ESRRG: variants seen among roughly 807,000 people sequenced by gnomAD.
The protein encoded by ESRRG is estrogen related receptor gamma.
ESRRG carries 13 observed loss-of-function variants against 44.0 expected under a neutral mutation model. That is an observed-to-expected ratio of 0.30 (90% CI 0.19 to 0.47). The LOEUF (loss-of-function observed/expected upper bound fraction) is 0.47, where lower values mean the gene tolerates loss of function less well. Among genes scored for constraint, ESRRG ranks in the 20% least tolerant of loss-of-function variants. The pLI is 1.00. For synonymous variants in ESRRG, 215 were observed against 214.6 expected, an observed-to-expected ratio of 1.00 and a Z score of -0.02; for missense variants, 395 against 580.6, an observed-to-expected ratio of 0.68 and a Z score of 3.29.
At chr1:216,863,419 T>G (rs2096087599) in intron 2 of ESRRG, 1 of 152,202 alleles carries the variant, frequency 6.6e-6, no homozygotes. Flanking sequence ...TTCAAAATTT[T>G]TCTATGTTCC....
chr1:216,537,300 GA>G (rs2051268239), intron 5 of ESRRG, among the ~76,000 whole-genome samples: 2 of 151,968 alleles, frequency 1.3e-5, no homozygotes, highest in Admixed American at 6.6e-5. Context: ...ACCCTCACCA[GA>G]CACTGAATGT....
chr1:216,512,738 C>G (rs1033922939), intron 6 of ESRRG, among the ~76,000 whole-genome samples: 1 of 151,932 alleles, frequency 6.6e-6, no homozygotes, highest in African/African-American at 2.4e-5. Context: ...TATCTAGTAT[C>G]TGTGAATGTT....
intron 3 of ESRRG, among the ~76,000 whole-genome samples, chr1:216,610,300 G>A (rs1316251196): frequency 1.3e-5 from 2 of 151,342 alleles, no homozygotes; most frequent in Admixed American, 6.6e-5. Flanking sequence ...GGATAACGCT[G>A]AGCTGAGAAA....
At chr1:216,527,249 T>C (rs948403239) in intron 5 of ESRRG, among the ~76,000 whole-genome samples, 1 of 152,158 alleles carries the variant, frequency 6.6e-6, no homozygotes, top group African/African-American at 2.4e-5. Context: ...TCCATCACTT[T>C]CTCTCCTCCC....
intron 2 of ESRRG, among the ~76,000 whole-genome samples, chr1:216,797,595 A>G (rs2094507012): frequency 6.6e-6 from 1 of 152,080 alleles, no homozygotes. Flanking sequence ...GTTTTTGATG[A>G]CCTTGATAGT....
chr1:216,948,612 C>A (rs536830531), intron 1 of ESRRG, among the ~76,000 whole-genome samples: 1 of 151,852 alleles, frequency 6.6e-6, no homozygotes, highest in Non-Finnish European at 1.5e-5. Context: ...TACCCCCTCT[C>A]CCCCCATAAA....
At position 216,630,449 on chromosome 1, in the gene ESRRG, C is replaced by CACACAT. The variant is rs1255152070; in HGVS notation, c.589+20523_589+20524insATGTGT. On this transcript the variant is annotated intron_variant, in intron 3 of 6. Transcript: ENST00000408911. Reference sequence around the variant, plus strand: ...GTGCATGCACATGTGCGTGTGAACACACACACACACACACACACACACACA... The same window carrying CACACAT: ...GTGCATGCACATGTGCGTGTGAACACACACATACACACACACACACACACACACACA... Among the ~76,000 whole-genome samples, 397 of 85,240 alleles carry CACACAT rather than the reference C, an allele frequency of 4.7e-3. 2 individuals carry two copies. Among genetic ancestry groups the CACACAT allele is most frequent in the African/African-American group, 0.015 (372 of 24,610 alleles). The allele number at this position is 85,240 out of a possible 152,430, so 55.9% of individuals were successfully genotyped here.
intron 1 of ESRRG, among the ~76,000 whole-genome samples, chr1:216,718,888 A>G (rs191362899): frequency 6.6e-6 from 1 of 152,126 alleles, no homozygotes; most frequent in East Asian, 1.9e-4. Context: ...CTCTCCTCTT[A>G]TTTCTAAAAG....
chr1:217,106,400 A>ATG (rs1553286936), intron 1 of ESRRG, among the ~76,000 whole-genome samples: 3 of 151,584 alleles, frequency 2.0e-5, no homozygotes, highest in African/African-American at 7.3e-5. Flanking sequence ...ATGCACACAC[A>ATG]CACACACACA....
At chr1:216,848,898 G>T (rs7547296) in intron 2 of ESRRG, among the ~76,000 whole-genome samples, 5,104 of 151,302 alleles carry the variant, frequency 0.034, 300 homozygotes, top group African/African-American at 0.11. Flanking sequence ...TACTAATATT[G>T]TCCTTCATCT....
chr1:217,075,237 AC>A (rs771380613), intron 1 of ESRRG, among the ~76,000 whole-genome samples: 2 of 152,158 alleles, frequency 1.3e-5, no homozygotes, highest in Non-Finnish European at 2.9e-5. Flanking sequence ...CTGGACACTT[AC>A]TCTGCCAGAC....
chr1:217,132,365 A>G (rs2092978043), intron 1 of ESRRG, among the ~76,000 whole-genome samples: 1 of 152,134 alleles, frequency 6.6e-6, no homozygotes, highest in East Asian at 1.9e-4. Flanking sequence ...ATTGGTTCTC[A>G]GGCCATTTTA....
At chr1:217,070,716 T>C (rs1283154867) in intron 1 of ESRRG, among the ~76,000 whole-genome samples, 3 of 152,246 alleles carry the variant, frequency 2.0e-5, no homozygotes, top group African/African-American at 7.2e-5. Context: ...ATAATGCTTT[T>C]AACATTGTTT....
At chr1:216,541,017 C>A (rs1349181063) in intron 5 of ESRRG, among the ~76,000 whole-genome samples, 1 of 151,878 alleles carries the variant, frequency 6.6e-6, no homozygotes, top group Admixed American at 6.6e-5. Flanking sequence ...GCAGGCAACA[C>A]TAATAAGAAA....
chr1:216,922,322 C>T (rs1256173730), intron 2 of ESRRG, among the ~76,000 whole-genome samples: 3 of 152,184 alleles, frequency 2.0e-5, no homozygotes, highest in African/African-American at 7.2e-5. Context: ...CTAAAGGCAA[C>T]TTTCAGCCAG....
chr1:216,602,593 G>T (rs2059397066), intron 3 of ESRRG, among the ~76,000 whole-genome samples: 1 of 152,188 alleles, frequency 6.6e-6, no homozygotes, highest in Non-Finnish European at 1.5e-5. Context: ...TATCTATTCT[G>T]AGTTAAATGT....
chr1:217,063,109 T>G (rs540941339), intron 1 of ESRRG, among the ~76,000 whole-genome samples: 1 of 152,196 alleles, frequency 6.6e-6, no homozygotes, highest in African/African-American at 2.4e-5. Context: ...CCTCCCTATT[T>G]AATGGGTTCT....
At chr1:216,701,301 C>G (rs2081348957) in intron 1 of ESRRG, 1 of 152,152 alleles carries the variant, frequency 6.6e-6, no homozygotes, top group Admixed American at 6.5e-5. Flanking sequence ...AAATAAAGTG[C>G]ATTATTTTTA....
intron 2 of ESRRG, among the ~76,000 whole-genome samples, chr1:216,895,391 A>T (rs983582922): frequency 6.6e-6 from 1 of 152,204 alleles, no homozygotes; most frequent in African/African-American, 2.4e-5. Context: ...ATCATGACAT[A>T]TATGGGGATC....
Sources: allele counts gnomAD v4.1 joint callset (sites outside exome capture counted in the v4.1 genomes callset), GRCh38; gene constraint gnomAD v4.1.1; transcripts MANE v1.5; gene names NCBI Gene and HGNC (gene_info 2026-07-23, HGNC 2026-07-21).